BAIAP2: variants seen among roughly 807,000 people sequenced by gnomAD.
BAIAP2 encodes BAR/IMD domain containing adaptor protein 2.
In BAIAP2, 18 loss-of-function variants were observed where a neutral mutation model predicts 63.0. The ratio of observed to expected loss-of-function variants is 0.29; its 90% CI spans 0.20 to 0.42. The LOEUF (loss-of-function observed/expected upper bound fraction) is 0.42, where lower values mean the gene tolerates loss of function less well. Ranked by LOEUF, BAIAP2 falls within the 10% of genes least tolerant of loss-of-function variation. The pLI is 1.00. For synonymous variants in BAIAP2, 386 were observed against 307.6 expected, an observed-to-expected ratio of 1.25 and a Z score of -2.67; for missense variants, 610 against 734.3, an observed-to-expected ratio of 0.83 and a Z score of 1.96.
rs1161306272 is a variant in BAIAP2, at chr17:81,051,844, C to G, written c.55-1824C>G. ...AGCTGGGACTACAGGCATGCACCAC[C>G]ACACCCAGCTAATTTTTAAATTTTT... On this transcript the variant is annotated intron_variant, in intron 1 of 13. Transcript: ENST00000428708. Among the ~76,000 whole-genome samples the G allele has an allele frequency of 2.6e-5, 4 of 152,182 alleles. No individual in the cohort carries two copies. In the East Asian group the frequency reaches 7.7e-4, roughly 29 times the overall value.
At chr17:81,083,976 C>T (rs889809157) in intron 3 of BAIAP2, 24 of 152,230 alleles carry the variant, frequency 1.6e-4, no homozygotes, top group Admixed American at 7.9e-4. Context: ...CAGGGTAGCC[C>T]AGACACCTGC....
intron 3 of BAIAP2, among the ~76,000 whole-genome samples, chr17:81,059,395 C>T (rs977489331): frequency 6.6e-6 from 1 of 152,076 alleles, no homozygotes; most frequent in Non-Finnish European, 1.5e-5. Flanking sequence ...TGGGCCCTGA[C>T]CGGGTCTTCA....
chr17:81,054,977 T>C (rs571689282), intron 2 of BAIAP2, among the ~76,000 whole-genome samples: 30 of 152,290 alleles, frequency 2.0e-4, no homozygotes, highest in Non-Finnish European at 3.7e-4. Context: ...ACCGTGTCTG[T>C]CCCTGTAACT....
At chr17:81,100,757 C>T (rs925971575) in intron 7 of BAIAP2, among the ~76,000 whole-genome samples, 7 of 152,144 alleles carry the variant, frequency 4.6e-5, no homozygotes, top group African/African-American at 1.4e-4. Flanking sequence ...GCCAGGGGCC[C>T]TGCCTGGCTC....
rs373932485 is a variant in BAIAP2, at chr17:81,109,187, C to T, written c.1535+678C>T. 6.4e-5 allele frequency: 90 copies of T among 1,407,714 alleles called. 1 individual carries two copies. In the South Asian group the frequency reaches 8.0e-4, roughly 13 times the overall value. 87.2% of individuals were successfully genotyped at this position (1,407,714 alleles called of 1,614,324 possible). On this transcript the variant is annotated intron_variant, in intron 13 of 13. Coordinates refer to ENST00000428708, the MANE Select transcript of BAIAP2 (RefSeq NM_001144888.2). ...GGGTCCATGGTGCTGCTCCATCCGCCCCCCCTCCCCTGTGTTTACGCGCCC... is the reference window on the plus strand; with the variant it reads ...GGGTCCATGGTGCTGCTCCATCCGCTCCCCCTCCCCTGTGTTTACGCGCCC...
In BAIAP2 at chr17:81,047,006, G is replaced by A. The variant is rs1483821502; in HGVS notation, c.55-6662G>A. Among the ~76,000 whole-genome samples the A allele has an allele frequency of 3.3e-5, 5 of 152,240 alleles. No homozygotes were observed. In the East Asian group the frequency reaches 9.7e-4, roughly 29 times the overall value. On this transcript the variant is annotated intron_variant, in intron 1 of 13. Transcript: ENST00000428708. ...GGAAGTGAGGGCGGTGGTCCAGTGG[G>A]CAACAGCGGCCTGGCCCCTCAGGAG...
At chr17:81,099,192 C>T (rs376497439) in intron 6 of BAIAP2, among the ~76,000 whole-genome samples, 8 of 152,358 alleles carry the variant, frequency 5.3e-5, no homozygotes, top group South Asian at 2.1e-4. Flanking sequence ...TCCCAGTCTC[C>T]GCTCGGTGAC....
chr17:81,055,227 G>A (rs371139397), intron 2 of BAIAP2, among the ~76,000 whole-genome samples: 2 of 152,290 alleles, frequency 1.3e-5, no homozygotes, highest in African/African-American at 4.8e-5. Context: ...GTTGTCACCT[G>A]GGGAGAAAGC....
At chr17:81,057,397 T>C (rs767737750) in intron 2 of BAIAP2, 9 of 153,154 alleles carry the variant, frequency 5.9e-5, no homozygotes, top group Non-Finnish European at 1.2e-4. Flanking sequence ...CCTCCTTTGA[T>C]CAGCTGTGAC....
chr17:81,055,521 A>G (rs911476136), intron 2 of BAIAP2, among the ~76,000 whole-genome samples: 1 of 150,196 alleles, frequency 6.7e-6, no homozygotes, highest in Non-Finnish European at 1.5e-5. Flanking sequence ...CCTGCTCATC[A>G]AAATTGTCTT....
intron 3 of BAIAP2, among the ~76,000 whole-genome samples, chr17:81,072,421 T>C (rs1243057441): frequency 1.4e-4 from 21 of 152,354 alleles, no homozygotes; most frequent in East Asian, 1.9e-4. Flanking sequence ...CAGGGTCCAG[T>C]GGAAAACTCT....
Position 81,103,895 on chromosome 17 carries a change from G to A in BAIAP2, c.865-12G>A. On this transcript the variant is annotated splice_polypyrimidine_tract_variant and intron_variant, in intron 8 of 13. Transcript: ENST00000428708. Reference sequence around the variant, plus strand: ...GCTCCAGCAACAGCCTGCTCTGCCTGCTTCCCTGCAGCGGATGTCTGCCCA... The same window carrying A: ...GCTCCAGCAACAGCCTGCTCTGCCTACTTCCCTGCAGCGGATGTCTGCCCA... The A allele has an allele frequency of 1.9e-6, 3 of 1,612,678 alleles. No individual in the cohort carries two copies. Among genetic ancestry groups the A allele is most frequent in the Non-Finnish European group, 2.5e-6 (3 of 1,179,890 alleles).
chr17:81,089,405 G>A (rs921478189), intron 6 of BAIAP2, among the ~76,000 whole-genome samples: 67 of 152,364 alleles, frequency 4.4e-4, no homozygotes, highest in African/African-American at 1.6e-3. Context: ...CTGCCTCAGT[G>A]CTGTGGTCCA....
chr17:81,047,728 TGA>T (rs2048034151), intron 1 of BAIAP2, among the ~76,000 whole-genome samples: 1 of 150,902 alleles, frequency 6.6e-6, no homozygotes, highest in Non-Finnish European at 1.5e-5. Flanking sequence ...AGCACATGTG[TGA>T]GTGTGCATGC....
intron 2 of BAIAP2, among the ~76,000 whole-genome samples, chr17:81,057,032 T>C (rs2144278847): frequency 6.6e-6 from 1 of 152,392 alleles, no homozygotes; most frequent in African/African-American, 2.4e-5. Flanking sequence ...GTGCGCTTAA[T>C]TGAAAAGTAT....
At chr17:81,100,146 T>TGCCCCAGCCCCA (rs373663751) in intron 7 of BAIAP2, 66 bp downstream of exon 7, 27 of 1,529,292 alleles carry the variant, frequency 1.8e-5, no homozygotes, top group African/African-American at 4.2e-5. Context: ...CCCAGGCCCC[T>TGCCCCAGCCCCA]GCCCCAGCCC....
At chr17:81,067,795 G>A (rs2051779876) in intron 3 of BAIAP2, among the ~76,000 whole-genome samples, 2 of 152,264 alleles carry the variant, frequency 1.3e-5, no homozygotes, top group Admixed American at 1.3e-4. Context: ...GGCCAGAGCA[G>A]GGAGGACAGC....
At chr17:81,102,923 A>G (rs781629488) in intron 7 of BAIAP2, among the ~76,000 whole-genome samples, 9 of 152,132 alleles carry the variant, frequency 5.9e-5, no homozygotes, top group Non-Finnish European at 1.2e-4. Context: ...CAGTCCCAGA[A>G]CCTTTCTCCA....
At chr17:81,086,292 G>T in intron 5 of BAIAP2, 151 bp from the exon 6 acceptor site, 1 of 960,450 alleles carries the variant, frequency 1.0e-6, no homozygotes, top group Non-Finnish European at 1.6e-6. Context: ...AGCTGAGCAT[G>T]CACGGCCAGA....
Sources: allele counts gnomAD v4.1 joint callset (sites outside exome capture counted in the v4.1 genomes callset), GRCh38; gene constraint gnomAD v4.1.1; transcripts MANE v1.5; gene names NCBI Gene and HGNC (gene_info 2026-07-23, HGNC 2026-07-21).